DNAH7: variants seen among roughly 807,000 people sequenced by gnomAD.
DNAH7 encodes axonemal beta dynein heavy chain 7.
Under a neutral mutation model 444.6 loss-of-function variants are expected in DNAH7, and 397 were observed. The ratio of observed to expected loss-of-function variants is 0.89; its 90% CI spans 0.82 to 0.97. The LOEUF (loss-of-function observed/expected upper bound fraction) is 0.97, where lower values mean the gene tolerates loss of function less well. DNAH7 is among the 50% of genes least tolerant of loss of function. The pLI is 0.00. For synonymous variants in DNAH7, 1,636 were observed against 1,624.4 expected, an observed-to-expected ratio of 1.01 and a Z score of -0.17; for missense variants, 4,902 against 4,800.8, an observed-to-expected ratio of 1.02 and a Z score of -0.62.
chr2:195,988,718 G>C (rs930358959), intron 12 of DNAH7, among the ~76,000 whole-genome samples: 8 of 152,042 alleles, frequency 5.3e-5, no homozygotes, highest in African/African-American at 7.2e-5. Context: ...TAGCTATTTT[G>C]AGATATATAA....
chr2:195,952,902 G>A (rs1690364733), intron 19 of DNAH7, among the ~76,000 whole-genome samples: 1 of 152,050 alleles, frequency 6.6e-6, no homozygotes, highest in Non-Finnish European at 1.5e-5. Flanking sequence ...GGAGGAGTTT[G>A]TTATTACCCA....
chr2:195,882,511 G>C (rs187793601), intron 35 of DNAH7, among the ~76,000 whole-genome samples: 3 of 152,242 alleles, frequency 2.0e-5, no homozygotes, highest in African/African-American at 7.2e-5. Context: ...ATTTTTAGGT[G>C]TACAGTTCAG....
chr2:195,958,011 G>A (rs1248380629), intron 18 of DNAH7, among the ~76,000 whole-genome samples: 2 of 151,824 alleles, frequency 1.3e-5, no homozygotes, highest in East Asian at 1.9e-4. Flanking sequence ...CTTAATTTGG[G>A]CTCATAAAGG....
At chr2:195,909,335 G>C (rs1369820912) in intron 25 of DNAH7, among the ~76,000 whole-genome samples, 1 of 152,110 alleles carries the variant, frequency 6.6e-6, no homozygotes, top group Non-Finnish European at 1.5e-5. Flanking sequence ...TTTGTGTTCA[G>C]TTGTGTCACC....
chr2:195,915,665 A>G (rs1470454881), intron 24 of DNAH7, among the ~76,000 whole-genome samples: 1 of 152,216 alleles, frequency 6.6e-6, no homozygotes, highest in East Asian at 1.9e-4. Context: ...AGGAGGTCAA[A>G]TCCTGACATA....
chr2:195,966,769 T>C (rs1444919281), intron 17 of DNAH7, among the ~76,000 whole-genome samples: 1 of 152,186 alleles, frequency 6.6e-6, no homozygotes, highest in Non-Finnish European at 1.5e-5. Flanking sequence ...TTACTCCTGG[T>C]AATTTTTTGT....
intron 36 of DNAH7, among the ~76,000 whole-genome samples, chr2:195,877,018 G>A (rs893635229): frequency 6.6e-6 from 1 of 152,070 alleles, no homozygotes; most frequent in Non-Finnish European, 1.5e-5. Context: ...ACTGCCATTT[G>A]TCTCTCTCTA....
rs1463555177 is a variant in DNAH7, at chr2:195,895,096, A to C, written c.4776T>G (p.Ile1592Met). Residue 1592 changes from isoleucine to methionine, a missense_variant, in exon 30 of 65, where the codon ATT (isoleucine) becomes ATG (methionine). Physicochemically the swap from Ile to Met is conservative, Grantham distance 10. Transcript: ENST00000312428. ...CAATCATCATTTCATATACTTGAAG[A>C]ATCTTCTCGGAAAAGAATGCAGTCA... ...LQMTAFFSEK[I>M]LQVYEMMIVR... 1.9e-6 allele frequency: 3 copies of C among 1,613,624 alleles called. No homozygotes were observed. In the African/African-American group the frequency reaches 4.0e-5, roughly 22 times the overall value.
chr2:195,804,078 T>C (rs1297656087), intron 54 of DNAH7, among the ~76,000 whole-genome samples: 8 of 152,112 alleles, frequency 5.3e-5, no homozygotes, highest in African/African-American at 1.7e-4. Context: ...CCCCCCCAAA[T>C]TGTGCTCATG....
intron 47 of DNAH7, 124 bp from the exon 48 acceptor site, chr2:195,834,484 C>A: frequency 9.3e-7 from 1 of 1,073,814 alleles, no homozygotes; most frequent in Non-Finnish European, 1.3e-6. Context: ...TACTTTTTAA[C>A]TTATGAGAAA....
chr2:195,772,237 C>T (rs1003353977), intron 60 of DNAH7, among the ~76,000 whole-genome samples: 1 of 152,126 alleles, frequency 6.6e-6, no homozygotes, highest in African/African-American at 2.4e-5. Flanking sequence ...AGTGGCCAAG[C>T]GATGGCGGGC....
At chr2:195,757,108 A>C (rs538821668) in intron 61 of DNAH7, among the ~76,000 whole-genome samples, 1 of 152,258 alleles carries the variant, frequency 6.6e-6, no homozygotes, top group South Asian at 2.1e-4. Flanking sequence ...GATTAAAGGC[A>C]TGAGCCACTG....
intron 1 of DNAH7, among the ~76,000 whole-genome samples, chr2:196,066,659 T>C (rs575428864): frequency 3.3e-5 from 5 of 152,334 alleles, no homozygotes; most frequent in South Asian, 2.1e-4. Flanking sequence ...TTCTTCTAAA[T>C]GCCTAATTTA....
At chr2:196,004,383 A>T (rs1394396904) in intron 10 of DNAH7, among the ~76,000 whole-genome samples, 1 of 152,236 alleles carries the variant, frequency 6.6e-6, no homozygotes, top group African/African-American at 2.4e-5. Context: ...TAGATCAAAA[A>T]TAGTTGATGG....
chr2:195,745,017 C>G (rs942368969), intron 63 of DNAH7, among the ~76,000 whole-genome samples: 1 of 152,204 alleles, frequency 6.6e-6, no homozygotes, highest in African/African-American at 2.4e-5. Flanking sequence ...ATGACTTTGA[C>G]GAGCTGAGAG....
At chr2:195,838,448 G>A (rs1659208065) in intron 47 of DNAH7, among the ~76,000 whole-genome samples, 1 of 151,840 alleles carries the variant, frequency 6.6e-6, no homozygotes, top group African/African-American at 2.4e-5. Flanking sequence ...GAAATAAATA[G>A]AGACATTCTC....
chr2:195,986,521 GTTC>G (rs1306596152), intron 14 of DNAH7, among the ~76,000 whole-genome samples: 1 of 152,152 alleles, frequency 6.6e-6, no homozygotes, highest in Non-Finnish European at 1.5e-5. Context: ...TGGAAGACTA[GTTC>G]TTCTTGTCTT....
At chr2:195,977,591 T>C (rs1430690359) in intron 15 of DNAH7, among the ~76,000 whole-genome samples, 1 of 151,700 alleles carries the variant, frequency 6.6e-6, no homozygotes, top group Non-Finnish European at 1.5e-5. Flanking sequence ...AAAAGGATAA[T>C]AACAGAAAAT....
In DNAH7 at chr2:195,771,842, C is replaced by T; in HGVS notation, c.11251G>A (p.Glu3751Lys). 1 of 1,614,178 alleles carries T rather than the reference C, an allele frequency of 6.2e-7. No homozygotes were observed. The highest frequency in any genetic ancestry group is 1.1e-5 in the South Asian group (1 of 91,088). Residue 3751 changes from glutamate (E) to lysine (K), a missense_variant, in exon 61 of 65, where the codon GAG becomes AAG. Transcript: ENST00000312428. ...GAKSSDEVVN[E>K]VASDILGKLP... ...TTGCCCAAGATGTCACTAGCGACCT[C>T]ATTCACTACTTCATCTGATGATTTT... is the stretch of plus-strand genomic sequence containing the variant.
Sources: gnomAD v4.1 joint callset for allele counts (sites outside exome capture counted in the v4.1 genomes callset) on GRCh38, gnomAD v4.1.1 for gene constraint, MANE v1.5 for transcripts, NCBI Gene and HGNC (gene_info 2026-07-23, HGNC 2026-07-21) for gene names.